CDH18: variants seen among roughly 807,000 people sequenced by gnomAD.
The protein encoded by CDH18 is cadherin-18.
A neutral mutation model predicts 67.9 loss-of-function variants in CDH18; 31 were observed. The ratio of observed to expected loss-of-function variants is 0.46; its 90% confidence interval spans 0.34 to 0.62. The LOEUF is 0.62. Among genes scored for constraint, CDH18 ranks in the 20% least tolerant of loss-of-function variants. The pLI is 0.01. For missense variants in CDH18, 890 were observed against 975.5 expected, an observed-to-expected ratio of 0.91 and a Z score of 1.17; for synonymous variants, 362 against 347.2, an observed-to-expected ratio of 1.04 and a Z score of -0.48.
intron 1 of CDH18, chr5:20,304,968 G>T: frequency 6.2e-7 from 1 of 1,613,870 alleles, no homozygotes; most frequent in South Asian, 1.1e-5. Flanking sequence ...AGTTCAAGGC[G>T]GCCAACTGCT....
intron 4 of CDH18, among the ~76,000 whole-genome samples, chr5:19,728,793 G>C (rs938753822): frequency 6.6e-6 from 1 of 152,090 alleles, no homozygotes; most frequent in Admixed American, 6.6e-5. Flanking sequence ...GGAGATTTAC[G>C]AAGGCTCAGA....
intron 2 of CDH18, among the ~76,000 whole-genome samples, chr5:20,064,912 T>G (rs1380757677): frequency 6.6e-6 from 1 of 152,048 alleles, no homozygotes; most frequent in African/African-American, 2.4e-5. Context: ...TTCTTATATG[T>G]TTATATAAGT....
At chr5:19,924,178 AG>A (rs1263494205) in intron 2 of CDH18, among the ~76,000 whole-genome samples, 3 of 5,530 alleles carry the variant, frequency 5.4e-4, no homozygotes, top group South Asian at 0.056. Flanking sequence ...GGCAACAATC[AG>A]GGGAGAGGTA....
intron 5 of CDH18, among the ~76,000 whole-genome samples, chr5:19,614,164 CTTGTT>C (rs1749453988): frequency 6.6e-6 from 1 of 151,734 alleles, no homozygotes; most frequent in East Asian, 1.9e-4. Context: ...TATTCAATGA[CTTGTT>C]TTGTCATATT....
intron 7 of CDH18, among the ~76,000 whole-genome samples, chr5:19,584,468 A>G (rs937219878): frequency 6.6e-6 from 1 of 151,876 alleles, no homozygotes; most frequent in Non-Finnish European, 1.5e-5. Context: ...TGCCATCTCA[A>G]TGAGTATCTC....
At chr5:19,931,934 T>C (rs1044417269) in intron 2 of CDH18, among the ~76,000 whole-genome samples, 2 of 151,736 alleles carry the variant, frequency 1.3e-5, no homozygotes, top group Non-Finnish European at 2.9e-5. Context: ...CTCCCATTGT[T>C]CCCTCTATCC....
intron 2 of CDH18, among the ~76,000 whole-genome samples, chr5:19,901,069 G>A (rs1402703936): frequency 2.0e-5 from 3 of 152,058 alleles, no homozygotes; most frequent in Admixed American, 2.0e-4. Flanking sequence ...AAATTAAATT[G>A]TAACTTTGGA....
At chr5:19,977,710 T>C (rs1412217783) in intron 2 of CDH18, among the ~76,000 whole-genome samples, 1 of 116,188 alleles carries the variant, frequency 8.6e-6, no homozygotes, top group Non-Finnish European at 2.2e-5. Context: ...TTTTATACCC[T>C]TGAAATTTGA....
intron 10 of CDH18, among the ~76,000 whole-genome samples, chr5:19,509,075 G>C (rs1744706000): frequency 6.6e-6 from 1 of 151,780 alleles, no homozygotes; most frequent in South Asian, 2.1e-4. Flanking sequence ...TGCTATGTTG[G>C]CCAGGCTGGT....
intron 1 of CDH18, among the ~76,000 whole-genome samples, chr5:20,450,116 T>A (rs1022710456): frequency 7.2e-5 from 11 of 152,050 alleles, no homozygotes; most frequent in Non-Finnish European, 1.3e-4. Flanking sequence ...GGCGGGTGGA[T>A]CACCTGAGGT....
chr5:20,062,170 T>TATTATTATG (rs1742557492), intron 2 of CDH18, among the ~76,000 whole-genome samples: 1 of 148,740 alleles, frequency 6.7e-6, no homozygotes, highest in African/African-American at 2.5e-5. Flanking sequence ...TTATTATTAT[T>TATTATTATG]ATTATTGAGA....
chr5:20,149,379 C>A (rs1429945899), intron 2 of CDH18, among the ~76,000 whole-genome samples: 1 of 152,134 alleles, frequency 6.6e-6, no homozygotes, highest in Non-Finnish European at 1.5e-5. Context: ...TCCTTGTTGA[C>A]ACACTTTCAT....
Position 20,215,103 on chromosome 5 carries a change from A to C in CDH18, c.-518+40341T>G, listed in dbSNP as rs1740658389. On this transcript the variant is annotated intron_variant, in intron 2 of 14. Transcript: ENST00000507958. Reference sequence around the variant, plus strand: ...TATAAAAAAAGCTCAACATCACTGAACATAGTAGAAATGCAAATCAAAACC... The same window carrying C: ...TATAAAAAAAGCTCAACATCACTGACCATAGTAGAAATGCAAATCAAAACC... 2.6e-5 allele frequency among the ~76,000 whole-genome samples: 4 copies of C among 151,904 alleles called. No homozygotes were observed. The South Asian group carries it at 8.3e-4, about 31-fold the overall frequency.
intron 7 of CDH18, among the ~76,000 whole-genome samples, chr5:19,589,226 T>C (rs138403204): frequency 6.6e-6 from 1 of 152,194 alleles, no homozygotes; most frequent in African/African-American, 2.4e-5. Context: ...ATGTTTATAA[T>C]CCAAAATTGT....
intron 3 of CDH18, among the ~76,000 whole-genome samples, chr5:19,811,083 AAAG>A (rs1778604525): frequency 5.6e-5 from 1 of 17,812 alleles, no homozygotes; most frequent in Non-Finnish European, 1.0e-4. Flanking sequence ...AGAGAAAAAG[AAAG>A]AAAGAAAGAA....
chr5:20,068,596 T>C (rs1743180875), intron 2 of CDH18, among the ~76,000 whole-genome samples: 1 of 152,130 alleles, frequency 6.6e-6, no homozygotes, highest in African/African-American at 2.4e-5. Context: ...ACAAGTTTTA[T>C]AACTTTATGT....
chr5:20,022,015 T>C (rs902739944), intron 2 of CDH18, among the ~76,000 whole-genome samples: 13 of 152,236 alleles, frequency 8.5e-5, no homozygotes, highest in Admixed American at 5.9e-4. Context: ...TTGACTTTTG[T>C]AGTTCAACAC....
rs564373748 is a variant in CDH18 at position 20,536,410 on chromosome 5, A to C, written c.-580+39052T>G. On this transcript the variant is annotated intron_variant, in intron 1 of 14. Transcript: ENST00000507958. ...ATGTCAAAGATCTGCAATACCAGTG[A>C]GAAAAAATAAAAAGCCATTACTGTT... Among the ~76,000 whole-genome samples the C allele has an allele frequency of 3.3e-5, 5 of 152,270 alleles. No individual in the cohort carries two copies. In the East Asian group the frequency reaches 9.7e-4, roughly 29 times the overall value.
intron 2 of CDH18, among the ~76,000 whole-genome samples, chr5:20,073,415 A>C (rs775177006): frequency 2.6e-5 from 4 of 151,982 alleles, no homozygotes; most frequent in Non-Finnish European, 5.9e-5. Context: ...AGTGCATTCA[A>C]GTCCAGTAGA....
Sources: allele counts gnomAD v4.1 joint callset (sites outside exome capture counted in the v4.1 genomes callset), GRCh38; gene constraint gnomAD v4.1.1; transcripts MANE v1.5; gene names NCBI Gene and HGNC (gene_info 2026-07-23, HGNC 2026-07-21).